SRGAP2C: variants seen among roughly 807,000 people sequenced by gnomAD.
The protein encoded by SRGAP2C is SLIT-ROBO Rho GTPase-activating protein 2C.
SRGAP2C carries 15 observed loss-of-function variants against 25.1 expected under a neutral mutation model. That is an observed-to-expected ratio of 0.60 (90% CI 0.40 to 0.92). The LOEUF (loss-of-function observed/expected upper bound fraction) is 0.92, where lower values mean the gene tolerates loss of function less well. Ranked by LOEUF, SRGAP2C falls within the 40% of genes least tolerant of loss-of-function variation. The probability of loss-of-function intolerance (pLI) is 0.00; values close to 1 mark genes in which losing one functional copy is unlikely to be tolerated. For synonymous variants in SRGAP2C, 44 were observed against 96.6 expected (o/e 0.46, Z 3.19); for missense variants, 144 against 264.4 (o/e 0.54, Z 3.16).
At chr1:121,368,024 C>T (rs1384884721) in intron 5 of SRGAP2C, among the ~76,000 whole-genome samples, 3 of 111,692 alleles carry the variant, frequency 2.7e-5, no homozygotes, top group African/African-American at 3.7e-5. Context: ...TGCAGTGAGC[C>T]GAGATTGTGC....
intron 2 of SRGAP2C, among the ~76,000 whole-genome samples, chr1:121,222,435 C>G (rs1221832154): frequency 6.6e-6 from 1 of 151,994 alleles, no homozygotes; most frequent in Non-Finnish European, 1.5e-5. Flanking sequence ...TCGAGAGCAG[C>G]CTGGGCAACA....
chr1:121,200,099 GGT>G (rs1654942000), intron 2 of SRGAP2C, among the ~76,000 whole-genome samples: 1 of 150,062 alleles, frequency 6.7e-6, no homozygotes, highest in Non-Finnish European at 1.5e-5. Context: ...TGGGCCTACA[GGT>G]GAACTTGTGA....
chr1:121,357,443 A>T (rs1659088876), intron 4 of SRGAP2C, among the ~76,000 whole-genome samples: 1 of 150,758 alleles, frequency 6.6e-6, no homozygotes, highest in Non-Finnish European at 1.5e-5. Flanking sequence ...TATCCTCCTT[A>T]TTTTCATTCT....
chr1:121,363,152 G>T (rs1659241409), intron 4 of SRGAP2C, among the ~76,000 whole-genome samples: 1 of 151,010 alleles, frequency 6.6e-6, no homozygotes, highest in Non-Finnish European at 1.5e-5. Flanking sequence ...GGCCAGAGAG[G>T]TTAACCAGGT....
intron 5 of SRGAP2C, among the ~76,000 whole-genome samples, chr1:121,370,556 C>T (rs1232623775): frequency 2.0e-5 from 3 of 146,428 alleles, no homozygotes; most frequent in Non-Finnish European, 3.0e-5. Flanking sequence ...ATTCTCCTGC[C>T]TCAGCCTCCC....
intron 2 of SRGAP2C, among the ~76,000 whole-genome samples, chr1:121,257,380 C>T (rs1294597138): frequency 6.7e-6 from 1 of 148,518 alleles, no homozygotes; most frequent in African/African-American, 2.5e-5. Context: ...TCCCAAAGTG[C>T]TGGGATTACA....
intron 7 of SRGAP2C, among the ~76,000 whole-genome samples, chr1:121,378,892 C>T (rs1446797148): frequency 1.3e-4 from 20 of 152,222 alleles, no homozygotes; most frequent in East Asian, 3.8e-4. Context: ...TAGGAATCCA[C>T]GTGAGGCATC....
At chr1:121,234,804 C>G in intron 2 of SRGAP2C, among the ~76,000 whole-genome samples, 1 of 148,822 alleles carries the variant, frequency 6.7e-6, no homozygotes, top group Non-Finnish European at 1.5e-5. Context: ...AAAGAGAGTT[C>G]AGCCCCTCTT....
chr1:121,375,282 ACTACACT>A (rs1659613441), intron 7 of SRGAP2C, among the ~76,000 whole-genome samples: 1 of 118,978 alleles, frequency 8.4e-6, no homozygotes, highest in Non-Finnish European at 1.7e-5. Flanking sequence ...GCTCATAACC[ACTACACT>A]CGTCTATCTG....
rs782105352 is a variant in SRGAP2C, at chr1:121,374,005, G to A, written c.521G>A (p.Ser174Asn). The part of the protein sequence containing the change: ...MKTYHMYNAD[S>N]ISAQSKLKEA... ...ACATATCACATGTACAATGCCGACAGCATCAGTGCTCAGAGCAAACTAAAG... is the reference window on the plus strand; with the variant it reads ...ACATATCACATGTACAATGCCGACAACATCAGTGCTCAGAGCAAACTAAAG... Residue 174 changes from serine to asparagine, a missense_variant, in exon 6 of 10, where the codon AGC becomes AAC. Ser to Asn is a conservative substitution (Grantham distance 46). Around this residue, in one of 5 missense-constraint regions of SRGAP2C, gnomAD observed 26 missense variants for 67.3 expected, o/e 0.39. Coordinates refer to ENST00000367123, the MANE Select transcript of SRGAP2C (RefSeq NM_001329984.2). 8 of 626,412 alleles carry A rather than the reference G, an allele frequency of 1.3e-5. 2 individuals carry two copies. In the Admixed American group the frequency reaches 1.9e-4, roughly 15 times the overall value. The allele number at this position is 626,412 out of a possible 1,614,324, so 38.8% of individuals were successfully genotyped here.
intron 2 of SRGAP2C, among the ~76,000 whole-genome samples, chr1:121,222,325 G>A (rs1269014907): frequency 1.1e-4 from 17 of 152,154 alleles, no homozygotes; most frequent in Admixed American, 7.8e-4. Context: ...TCCATTCCTT[G>A]GAAGTAAATT....
chr1:121,314,570 G>A (rs1235998654), intron 3 of SRGAP2C, among the ~76,000 whole-genome samples: 1 of 151,430 alleles, frequency 6.6e-6, no homozygotes, highest in Non-Finnish European at 1.5e-5. Context: ...TCTACTTTTG[G>A]TCTTTGATGA....
chr1:121,351,715 A>T (rs1553345995), intron 4 of SRGAP2C, among the ~76,000 whole-genome samples: 1 of 149,558 alleles, frequency 6.7e-6, no homozygotes, highest in African/African-American at 2.5e-5. Context: ...TAAACAAAGT[A>T]TGGCATACCT....
Position 121,391,487 on chromosome 1 carries a change from C to T in SRGAP2C, c.*3632C>T, listed in dbSNP as rs1237068665. 1 of 152,304 alleles carries T rather than the reference C, an allele frequency of 6.6e-6. No individual in the cohort carries two copies. The highest frequency in any genetic ancestry group is 1.5e-5 in the Non-Finnish European group (1 of 68,060). 9.4% of individuals were successfully genotyped at this position (152,304 alleles called of 1,614,324 possible). A position where few individuals can be genotyped will look rare whatever the true frequency, so the allele number is the denominator to read the frequency against. ...GACATATTTTGCTGGACAATGATTA[C>T]TTGCTTTTCTTTTTGTTTTTCTTGT... On this transcript the variant is annotated 3_prime_UTR_variant, in exon 10 of 10. Coordinates refer to ENST00000367123, the MANE Select transcript of SRGAP2C (RefSeq NM_001329984.2).
chr1:121,210,317 T>TA (rs199765258), intron 2 of SRGAP2C, among the ~76,000 whole-genome samples: 83 of 139,740 alleles, frequency 5.9e-4, no homozygotes, highest in South Asian at 3.0e-3. Flanking sequence ...ATCAGCGCTT[T>TA]AAAAAAAAAA....
rs1357942187 is a variant in SRGAP2C at position 121,221,538 on chromosome 1, G to A, written c.67+34025G>A. On this transcript the variant is annotated intron_variant, in intron 2 of 9. Transcript: ENST00000367123. ...AGCCTGACTAACATAGTGAAACCTC[G>A]TCTCTACTAAAAATACAAAAAAATT... 6.6e-4 allele frequency among the ~76,000 whole-genome samples: 50 copies of A among 75,244 alleles called. 9 individuals carry two copies. The highest frequency in any genetic ancestry group is 3.2e-3 in the African/African-American group (47 of 14,892). 49.4% of individuals were successfully genotyped at this position (75,244 alleles called of 152,430 possible).
At chr1:121,362,255 G>A (rs1553348723) in intron 4 of SRGAP2C, 1 of 111,842 alleles carries the variant, frequency 8.9e-6, no homozygotes, top group East Asian at 2.6e-4. Context: ...GCAATTTCCT[G>A]CCTCTGGCCT....
At chr1:121,359,546 T>C (rs1476863213) in intron 4 of SRGAP2C, among the ~76,000 whole-genome samples, 5 of 152,116 alleles carry the variant, frequency 3.3e-5, no homozygotes, top group African/African-American at 9.7e-5. Context: ...GGCAGGAGGA[T>C]TGTTTGAAGC....
chr1:121,385,197 G>A (rs1436401335), intron 8 of SRGAP2C, among the ~76,000 whole-genome samples: 1 of 133,604 alleles, frequency 7.5e-6, no homozygotes, highest in Non-Finnish European at 1.6e-5. Context: ...CTTAAAATTG[G>A]CCAAGGTCCC....
Sources: gnomAD v4.1 joint callset for allele counts (sites outside exome capture counted in the v4.1 genomes callset) on GRCh38, gnomAD v4.1.1 for gene constraint, gnomAD v4.1.1 regional missense constraint, MANE v1.5 for transcripts, NCBI Gene and HGNC (gene_info 2026-07-23, HGNC 2026-07-21) for gene names.